Variants in PDZRN4 observed in about 807,000 individuals in gnomAD.
The protein encoded by PDZRN4 is PDZ domain containing ring finger 4.
Under a neutral mutation model 99.0 loss-of-function variants are expected in PDZRN4, and 70 were observed. The ratio of observed to expected loss-of-function variants is 0.71; its 90% CI spans 0.58 to 0.86. The LOEUF (loss-of-function observed/expected upper bound fraction) is 0.86. Among genes scored for constraint, PDZRN4 ranks in the 40% least tolerant of loss-of-function variants. The pLI is 0.00. For synonymous variants in PDZRN4, 551 were observed against 501.6 expected (o/e 1.10, Z -1.32); for missense variants, 1,474 against 1,331.2 (o/e 1.11, Z -1.67).
At chr12:41,454,596 G>A (rs1198358259) in intron 3 of PDZRN4, among the ~76,000 whole-genome samples, 4 of 152,224 alleles carry the variant, frequency 2.6e-5, no homozygotes, top group Non-Finnish European at 5.9e-5. Flanking sequence ...AGGGAGACAG[G>A]AAAGTAAGAA....
chr12:41,517,893 C>T (rs1013149825), intron 5 of PDZRN4, among the ~76,000 whole-genome samples: 4 of 152,062 alleles, frequency 2.6e-5, no homozygotes, highest in Non-Finnish European at 5.9e-5. Context: ...GCACACCTCT[C>T]CGTATTATCT....
At chr12:41,569,896 T>G (rs926925228) in intron 9 of PDZRN4, among the ~76,000 whole-genome samples, 2 of 152,194 alleles carry the variant, frequency 1.3e-5, no homozygotes, top group Non-Finnish European at 2.9e-5. Context: ...ATTAAAATTT[T>G]TATGTATAAC....
At chr12:41,554,462 G>A (rs1383701929) in intron 6 of PDZRN4, among the ~76,000 whole-genome samples, 2 of 152,028 alleles carry the variant, frequency 1.3e-5, no homozygotes, top group African/African-American at 4.8e-5. Flanking sequence ...ACTTATTCTT[G>A]ATTGATGATT....
intron 3 of PDZRN4, among the ~76,000 whole-genome samples, chr12:41,233,809 G>T (rs1001419232): frequency 2.6e-5 from 4 of 151,850 alleles, no homozygotes; most frequent in Non-Finnish European, 5.9e-5. Flanking sequence ...GAGCGGGGGG[G>T]AGATAGCATT....
chr12:41,215,420 T>C (rs1014340673), intron 3 of PDZRN4, among the ~76,000 whole-genome samples: 4 of 152,106 alleles, frequency 2.6e-5, no homozygotes, highest in African/African-American at 9.6e-5. Flanking sequence ...CTCAGATCTA[T>C]ACATTGTTTG....
chr12:41,188,419 C>G lies in PDZRN4; in HGVS notation c.-37C>G. 1 of 1,508,754 alleles carries G rather than the reference C, an allele frequency of 6.6e-7. No individual in the cohort carries two copies. The highest frequency in any genetic ancestry group is 8.8e-7 in the Non-Finnish European group (1 of 1,132,626). The allele number at this position is 1,508,754 out of a possible 1,614,324, so 93.5% of individuals were successfully genotyped here. ...GGCAGGGGGGCTCGGAGAAGACGGA[C>G]TCTGCTTTCGCTCCCCCTTTCTTCC... On this transcript the variant is annotated 5_prime_UTR_variant, in exon 1 of 10. Coordinates refer to ENST00000402685, the MANE Select transcript of PDZRN4 (RefSeq NM_001164595.2).
chr12:41,413,525 T>C (rs1426399341), intron 3 of PDZRN4, among the ~76,000 whole-genome samples: 1 of 152,178 alleles, frequency 6.6e-6, no homozygotes, highest in African/African-American at 2.4e-5. Context: ...GGATTGAATG[T>C]TCCCCATACA....
chr12:41,322,487 C>CTT lies in PDZRN4; in HGVS notation c.843+128319_843+128320dup, dbSNP rs71081724. 3.8e-3 allele frequency among the ~76,000 whole-genome samples: 347 copies of CTT among 91,198 alleles called. 30 individuals are homozygous for CTT. Among genetic ancestry groups the CTT allele is most frequent in the African/African-American group, 0.013 (280 of 21,778 alleles). The allele number at this position is 91,198 out of a possible 152,430, so 59.8% of individuals were successfully genotyped here. A position where few individuals can be genotyped will look rare whatever the true frequency, so the allele number is the denominator to read the frequency against. On this transcript the variant is annotated intron_variant, in intron 3 of 9. Transcript: ENST00000402685. The stretch of plus-strand genomic sequence containing the variant: ...ACTTTGGAAATTTAGATTTTCTTTC[C>CTT]TTTTTTTTTTTTTTTTTTTTTGAGA...
chr12:41,285,960 G>A (rs1012713870), intron 3 of PDZRN4, among the ~76,000 whole-genome samples: 8 of 151,774 alleles, frequency 5.3e-5, no homozygotes, highest in Non-Finnish European at 1.0e-4. Context: ...CATAACAAAC[G>A]TGCACTTTCT....
At chr12:41,293,848 A>G (rs1165764528) in intron 3 of PDZRN4, among the ~76,000 whole-genome samples, 1 of 152,206 alleles carries the variant, frequency 6.6e-6, no homozygotes, top group African/African-American at 2.4e-5. Context: ...AGAATGATAC[A>G]GTACTGCAAA....
chr12:41,410,371 T>C (rs1488046203), intron 3 of PDZRN4, among the ~76,000 whole-genome samples: 4 of 152,188 alleles, frequency 2.6e-5, no homozygotes, highest in Non-Finnish European at 5.9e-5. Context: ...GTAAAATAAT[T>C]ACAACGGTAA....
At chr12:41,537,990 T>C (rs553442612) in intron 5 of PDZRN4, among the ~76,000 whole-genome samples, 21 of 152,174 alleles carry the variant, frequency 1.4e-4, no homozygotes, top group Non-Finnish European at 2.8e-4. Context: ...ATCAATCAAA[T>C]TCCACTGTTT....
At chr12:41,473,517 A>G (rs370356047) in intron 3 of PDZRN4, 4 of 152,310 alleles carry the variant, frequency 2.6e-5, no homozygotes, top group African/African-American at 7.2e-5. Flanking sequence ...TCCCCACTGT[A>G]TCTCCCAAGA....
intron 5 of PDZRN4, among the ~76,000 whole-genome samples, chr12:41,526,542 A>T (rs1938570495): frequency 6.6e-6 from 1 of 152,210 alleles, no homozygotes; most frequent in Non-Finnish European, 1.5e-5. Context: ...AGCATAAGGA[A>T]AGTCCTGACA....
At chr12:41,287,510 A>T (rs941083000) in intron 3 of PDZRN4, among the ~76,000 whole-genome samples, 3 of 152,226 alleles carry the variant, frequency 2.0e-5, no homozygotes, top group Non-Finnish European at 4.4e-5. Context: ...AGATCCAAAT[A>T]TCATTTCTCT....
At chr12:41,313,673 T>C (rs957582552) in intron 3 of PDZRN4, among the ~76,000 whole-genome samples, 20 of 152,200 alleles carry the variant, frequency 1.3e-4, no homozygotes, top group Non-Finnish European at 1.5e-4. Flanking sequence ...ACATCAGCCA[T>C]AGCATCTGTC....
At chr12:41,437,800 A>T in intron 3 of PDZRN4, 1 of 1,557,776 alleles carries the variant, frequency 6.4e-7, no homozygotes, top group Non-Finnish European at 8.6e-7. Flanking sequence ...TTACGCTTCC[A>T]GCTAACAGCG....
intron 3 of PDZRN4, among the ~76,000 whole-genome samples, chr12:41,373,420 C>T (rs1952057934): frequency 6.6e-6 from 1 of 152,094 alleles, no homozygotes; most frequent in African/African-American, 2.4e-5. Context: ...CTGAAGCAGC[C>T]ATTTCAGAGG....
chr12:41,194,484 CA>C (rs898848014), intron 3 of PDZRN4, among the ~76,000 whole-genome samples: 13 of 151,824 alleles, frequency 8.6e-5, no homozygotes, highest in African/African-American at 3.1e-4. Flanking sequence ...AAAAACAAAA[CA>C]AAAAAATTAG....
Sources: allele counts gnomAD v4.1 joint callset (sites outside exome capture counted in the v4.1 genomes callset), GRCh38; gene constraint gnomAD v4.1.1; transcripts MANE v1.5; gene names NCBI Gene and HGNC (gene_info 2026-07-23, HGNC 2026-07-21).